LGSN: variants seen among roughly 807,000 people sequenced by gnomAD.
LGSN encodes the protein lengsin.
LGSN carries 21 observed loss-of-function variants against 19.5 expected under a neutral mutation model. The ratio of observed to expected loss-of-function variants is 1.07; its 90% confidence interval spans 0.76 to 1.55. The LOEUF is 1.55. LGSN is among the 40% of genes most tolerant of loss of function. LGSN has a pLI of 0.00. For missense variants in LGSN, 673 were observed against 608.5 expected (o/e 1.11, Z -1.12); for synonymous variants, 257 against 215.6 (o/e 1.19, Z -1.68).
the LGSN span, among the ~76,000 whole-genome samples, chr6:63,426,400 C>T: frequency 9.2e-5 from 14 of 152,306 alleles, no homozygotes; most frequent in South Asian, 1.5e-3. Flanking sequence ...AACTACTTCC[C>T]GCCCTCTACC....
At chr6:63,422,429 T>C in the LGSN span, among the ~76,000 whole-genome samples, 2 of 152,150 alleles carry the variant, frequency 1.3e-5, no homozygotes, top group Non-Finnish European at 2.9e-5. Context: ...CCAGTGTTGA[T>C]AGTGGGTAGG....
intron 3 of LGSN, among the ~76,000 whole-genome samples, chr6:63,282,263 G>T (rs565726887): frequency 3.3e-5 from 5 of 152,314 alleles, no homozygotes; most frequent in Admixed American, 2.6e-4. Flanking sequence ...GAGTATAAAA[G>T]GTTGGTTCCC....
the LGSN span, chr6:63,549,508 GGAGGA>G: frequency 1.4e-5 from 10 of 719,282 alleles, no homozygotes; most frequent in Non-Finnish European, 2.2e-5. Context: ...CCTTTCGGCA[GGAGGA>G]GAGAGCCTGA....
At chr6:63,422,017 A>G in the LGSN span, among the ~76,000 whole-genome samples, 1 of 152,218 alleles carries the variant, frequency 6.6e-6, no homozygotes, top group Non-Finnish European at 1.5e-5. Flanking sequence ...CCACAGGAAG[A>G]TACATATAAT....
intron 3 of LGSN, 89 bp downstream of exon 3, chr6:63,285,498 G>T (rs1217517116): frequency 3.8e-6 from 4 of 1,050,684 alleles, no homozygotes; most frequent in South Asian, 1.7e-5. Context: ...TGCTGTATAA[G>T]ATTACAAGAA....
intron 2 of LGSN, among the ~76,000 whole-genome samples, chr6:63,293,156 T>C (rs2459571): frequency 1 from 151,652 of 152,278 alleles, 75,517 homozygotes; most frequent in Middle Eastern, 1. Flanking sequence ...TCTGCCACCA[T>C]ACCAGCTAAT....
At chr6:63,412,849 G>A in the LGSN span, among the ~76,000 whole-genome samples, 13 of 146,770 alleles carry the variant, frequency 8.9e-5, no homozygotes, top group African/African-American at 3.3e-4. Context: ...AGAAAGGAAG[G>A]AAGGGAGAGA....
chr6:63,294,205 A>G (rs527775958), intron 2 of LGSN, among the ~76,000 whole-genome samples: 1 of 152,086 alleles, frequency 6.6e-6, no homozygotes, highest in African/African-American at 2.4e-5. Flanking sequence ...GCATGGTGGC[A>G]TGCCCTGTAA....
the LGSN span, among the ~76,000 whole-genome samples, chr6:63,494,105 G>A: frequency 4.0e-5 from 6 of 151,748 alleles, no homozygotes; most frequent in South Asian, 6.2e-4. Context: ...ATGTGCCACC[G>A]TGTCCGGCTA....
chr6:63,290,715 A>G (rs1767731352), intron 2 of LGSN, among the ~76,000 whole-genome samples: 1 of 152,216 alleles, frequency 6.6e-6, no homozygotes, highest in Non-Finnish European at 1.5e-5. Context: ...CGTGTAGGCC[A>G]TATGGTATTC....
intron 1 of LGSN, among the ~76,000 whole-genome samples, chr6:63,296,065 T>A (rs1447861201): frequency 6.6e-6 from 1 of 152,196 alleles, no homozygotes; most frequent in Non-Finnish European, 1.5e-5. Flanking sequence ...GGAGCAGCTG[T>A]ATCACTTCAT....
chr6:63,349,819 C>T, the LGSN span, among the ~76,000 whole-genome samples: 1 of 152,184 alleles, frequency 6.6e-6, no homozygotes, highest in African/African-American at 2.4e-5. Flanking sequence ...GTTCTGTGCT[C>T]AAGTTATCAT....
the LGSN span, among the ~76,000 whole-genome samples, chr6:63,335,680 T>C: frequency 6.6e-6 from 1 of 151,868 alleles, no homozygotes; most frequent in South Asian, 2.1e-4. Flanking sequence ...TTGAAGAGAA[T>C]GTGGAGAAAA....
At chr6:63,565,783 A>G in the LGSN span, among the ~76,000 whole-genome samples, 1 of 152,234 alleles carries the variant, frequency 6.6e-6, no homozygotes, top group Non-Finnish European at 1.5e-5. Context: ...CTGCTACAGC[A>G]TTTTGATTAT....
At chr6:63,424,927 G>GA in the LGSN span, among the ~76,000 whole-genome samples, 1 of 150,686 alleles carries the variant, frequency 6.6e-6, no homozygotes, top group Admixed American at 6.7e-5. Flanking sequence ...AAAAGAAAAA[G>GA]AAAAAAAATT....
chr6:63,562,968 G>A, the LGSN span, among the ~76,000 whole-genome samples: 3 of 152,226 alleles, frequency 2.0e-5, no homozygotes, highest in East Asian at 3.9e-4. Context: ...TCTCTGTTTG[G>A]CCTTTGACAA....
At chr6:63,498,474 A>G in the LGSN span, among the ~76,000 whole-genome samples, 47 of 152,096 alleles carry the variant, frequency 3.1e-4, 3 homozygotes, top group African/African-American at 8.4e-4. Context: ...TCCATTTTCT[A>G]TTGGCTCCCA....
At chr6:63,323,394 T>C (rs1463514599), upstream of LGSN, among the ~76,000 whole-genome samples, 1 of 152,128 alleles carries the variant, frequency 6.6e-6, no homozygotes, top group Non-Finnish European at 1.5e-5. Context: ...CTCATCCCAC[T>C]CCACCCTTTT....
chr6:63,510,660 ATTTTTTTTT>A, the LGSN span, among the ~76,000 whole-genome samples: 6 of 111,976 alleles, frequency 5.4e-5, no homozygotes, highest in African/African-American at 6.9e-5. Context: ...CAAGAAGCGA[ATTTTTTTTT>A]TTTTTTTTTT....
Sources: gnomAD v4.1 joint callset for allele counts (sites outside exome capture counted in the v4.1 genomes callset) on GRCh38, gnomAD v4.1.1 for gene constraint, MANE v1.5 for transcripts, NCBI Gene and HGNC (gene_info 2026-07-23, HGNC 2026-07-21) for gene names.